Variants in MUC6 observed in about 807,000 individuals in gnomAD.
MUC6 encodes the protein mucin-6.
MUC6 carries 188 observed loss-of-function variants against 201.5 expected under a neutral mutation model. The observed-to-expected ratio is 0.93, with a 90% confidence interval of 0.83 to 1.05. The LOEUF (loss-of-function observed/expected upper bound fraction) is 1.05. MUC6 is among the 50% of genes least tolerant of loss of function. MUC6 has a pLI of 0.00. For synonymous variants in MUC6, 1,228 were observed against 1,389.4 expected (o/e 0.88, Z 2.58); for missense variants, 2,706 against 3,256.9 (o/e 0.83, Z 4.12).
chr11:1,024,759 C>T (rs974959242), intron 24 of MUC6, 85 bp downstream of exon 24: 12 of 1,508,268 alleles, frequency 8.0e-6, no homozygotes, highest in South Asian at 1.3e-5. Context: ...GAGGGAGAAC[C>T]GTGCCTGGCT....
chr11:1,031,561 C>T (rs903022329), intron 4 of MUC6, 46 bp downstream of exon 4: 7 of 1,536,162 alleles, frequency 4.6e-6, no homozygotes, highest in Non-Finnish European at 4.4e-6. Context: ...CACCTGCCCC[C>T]CCGTGCTGCG....
intron 19 of MUC6, 38 bp from the exon 20 acceptor site, chr11:1,026,516 C>G (rs1423724488): frequency 2.6e-6 from 4 of 1,527,236 alleles, no homozygotes; most frequent in Non-Finnish European, 3.5e-6. Context: ...GGGAGGGTGG[C>G]CTCAGCCAGC....
rs767186903 is a variant in MUC6, at chr11:1,021,244, T to A, written c.3560A>T (p.Asp1187Val). The A allele has an allele frequency of 6.3e-7, 1 of 1,590,012 alleles. No individual in the cohort carries two copies. Among genetic ancestry groups the A allele is most frequent in the Admixed American group, 1.8e-5 (1 of 56,600 alleles). The change falls in exon 27 of 33, where the codon GAC (aspartate) becomes GTC (valine). Residue 1187 changes from aspartate (D) to valine (V), a missense_variant. Physicochemically the swap from Asp to Val is radical, Grantham distance 152. This residue lies in a region of MUC6 where 1,850 missense variants were observed against 1,958.3 expected (regional missense o/e 0.94). Transcript: ENST00000421673. ...GGGCACGCACACCCCCTCCTCGTGG[T>A]CGAAGTACTCATCCTGGGAGCAGTT... The part of the protein sequence containing the change: ...CYNCSQDEYF[D>V]HEEGVCVPCM...
intron 26 of MUC6, 120 bp downstream of exon 26, chr11:1,023,389 T>G: frequency 8.0e-7 from 1 of 1,245,608 alleles, no homozygotes; most frequent in African/African-American, 1.7e-5. Context: ...TTAATGAATG[T>G]GTGAATTAAT....
Position 1,034,173 on chromosome 11 carries a change from T to G in MUC6, c.53-1098A>C, listed in dbSNP as rs114484477. ...CCTGCCCCTTGGCCGCCTGGGTGAG[T>G]CCTGTCTGGCACAGGCAGGAGGTTG... On this transcript the variant is annotated intron_variant, in intron 1 of 32. Transcript: ENST00000421673. 3.6e-3 allele frequency among the ~76,000 whole-genome samples: 546 copies of G among 150,132 alleles called. 9 individuals are homozygous for G. The highest frequency in any genetic ancestry group is 0.013 in the African/African-American group (515 of 40,882).
intron 1 of MUC6, 31 bp downstream of exon 1, chr11:1,036,573 G>T: frequency 2.6e-6 from 4 of 1,548,156 alleles, no homozygotes; most frequent in Non-Finnish European, 3.5e-6. Context: ...TGAGGGCACC[G>T]CAGTGTCTGG....
In MUC6 at chr11:1,025,832, G is replaced by A; in HGVS notation, c.2772C>T (p.Cys924=). The A allele has an allele frequency of 6.2e-7, 1 of 1,612,802 alleles. No homozygotes were observed. The highest frequency in any genetic ancestry group is 1.1e-5 in the South Asian group (1 of 90,998). Residue 924 remains cysteine, a synonymous_variant, in exon 22 of 33, where the codon TGC becomes TGT. Transcript: ENST00000421673. ...CCAGGAAGATCTTGATGGCCCGTGA[G>A]CATGTGACCCCGGAGTTCCCACAGA... The part of the protein sequence containing the change: ...NVICGNSGVT[C]SRAIKIFLGG...
chr11:1,016,391 GC>G lies in MUC6; in HGVS notation c.6409del (p.Ala2137ProfsTer39), dbSNP rs773692407. ...CACATAAGAAGAAACAGTAGAGGGGGCAGAAGGACTGGGAGAAAATGAGGAG... is the reference window on the plus strand; with the variant it reads ...CACATAAGAAGAAACAGTAGAGGGGGAGAAGGACTGGGAGAAAATGAGGAG... ...LSSSFSPSPS[A>X]PSTVSSYVPS... On this transcript the variant is annotated frameshift_variant, in exon 31 of 33. Coordinates refer to ENST00000421673, the MANE Select transcript of MUC6 (RefSeq NM_005961.3). LOFTEE classifies it high-confidence loss of function. 2 of 1,613,234 alleles carry G rather than the reference GC, an allele frequency of 1.2e-6. No homozygotes were observed. Among genetic ancestry groups the G allele is most frequent in the Non-Finnish European group, 1.7e-6 (2 of 1,179,566 alleles).
At chr11:1,023,818 G>A (rs1291540604) in intron 25 of MUC6, 129 bp downstream of exon 25, 2 of 1,437,664 alleles carry the variant, frequency 1.4e-6, no homozygotes, top group East Asian at 5.0e-5. Flanking sequence ...GGGCCAGGGT[G>A]GCCCCGCAGG....
chr11:1,027,161 T>C lies in MUC6; in HGVS notation c.2264A>G (p.Gln755Arg). Residue 755 changes from glutamine to arginine, a missense_variant, in exon 18 of 33, where the codon CAG becomes CGG. Gln to Arg is a conservative substitution (Grantham distance 43). This residue lies in a region of MUC6 where 1,850 missense variants were observed against 1,958.3 expected (regional missense o/e 0.94). Coordinates refer to ENST00000421673, the MANE Select transcript of MUC6 (RefSeq NM_005961.3). The part of the protein sequence containing the change: ...HCINGRLSCP[Q>R]RPQMFLASCQ... ...CGTACCCAGGAACATCTGTGGCCGC[T>C]GCGGGCAACTCAGCCGCCCGTTGAT... The C allele has an allele frequency of 1.2e-6, 2 of 1,612,496 alleles. No individual in the cohort carries two copies. Among genetic ancestry groups the C allele is most frequent in the Non-Finnish European group, 8.5e-7 (1 of 1,179,792 alleles).
chr11:1,014,176 G>A (rs528361418), intron 31 of MUC6, among the ~76,000 whole-genome samples, 175 bp from the exon 32 acceptor site: 2 of 152,332 alleles, frequency 1.3e-5, no homozygotes, highest in African/African-American at 2.4e-5. Context: ...AAAGGCAAAG[G>A]CCAGCCGCAT....
rs1420762227 is a variant in MUC6, at chr11:1,013,208, G to C, written c.*248C>G. 1 of 550,196 alleles carries C rather than the reference G, an allele frequency of 1.8e-6. No individual in the cohort carries two copies. The allele number at this position is 550,196 out of a possible 1,614,324, so 34.1% of individuals were successfully genotyped here. ...CGGGAGTGCCCTGTGTGCCTGGGAG[G>C]TCCGTGACCACTGTCCGCCTCAGTC... is the stretch of plus-strand genomic sequence containing the variant. On this transcript the variant is annotated 3_prime_UTR_variant, in exon 33 of 33. Coordinates refer to ENST00000421673, the MANE Select transcript of MUC6 (RefSeq NM_005961.3).
intron 1 of MUC6, among the ~76,000 whole-genome samples, chr11:1,035,511 T>C (rs1297309072): frequency 1.3e-5 from 2 of 150,316 alleles, no homozygotes; most frequent in African/African-American, 4.9e-5. Context: ...GGGAGCGGGC[T>C]CAGAGACCCC....
intron 30 of MUC6, 44 bp downstream of exon 30, chr11:1,019,231 G>A (rs1268598439): frequency 4.4e-6 from 7 of 1,580,142 alleles, no homozygotes; most frequent in Admixed American, 1.7e-5. Flanking sequence ...TGGTGGGACC[G>A]GGTGCCTTCG....
intron 24 of MUC6, 123 bp downstream of exon 24, chr11:1,024,721 C>A: frequency 2.1e-6 from 3 of 1,439,294 alleles, no homozygotes; most frequent in South Asian, 1.4e-5. Flanking sequence ...CTCTCTGCAC[C>A]CTGACCTGGC....
At position 1,029,425 on chromosome 11, in the gene MUC6, C is replaced by T. The variant is rs553982543; in HGVS notation, c.1137-59G>A. 5 of 1,597,812 alleles carry T rather than the reference C, an allele frequency of 3.1e-6. No homozygotes were observed. In the African/African-American group the frequency reaches 4.0e-5, roughly 13 times the overall value. On this transcript the variant is annotated intron_variant, in intron 9 of 32. Transcript: ENST00000421673. ...GCAGGGCCGCTGGAGCCAGACAGCA[C>T]ACCCCTGCCTGCCCTAGGCCAGTGG...
intron 15 of MUC6, 31 bp from the exon 16 acceptor site, chr11:1,027,848 G>T (rs1017336706): frequency 1.2e-6 from 2 of 1,604,044 alleles, no homozygotes; most frequent in African/African-American, 1.3e-5. Flanking sequence ...TGGGCTGGTG[G>T]CAGGCACCCT....
At chr11:1,030,807 G>A (rs1270991625) in intron 6 of MUC6, 27 bp from the exon 7 acceptor site, 7 of 1,532,928 alleles carry the variant, frequency 4.6e-6, no homozygotes, top group East Asian at 2.4e-5. Context: ...GGGTCATGGG[G>A]GCAAAGGCCA....
Position 1,028,328 on chromosome 11 carries a change from C to T in MUC6, c.1651G>A (p.Ala551Thr), listed in dbSNP as rs769586518. Residue 551 changes from alanine (A) to threonine (T), a missense_variant, in exon 14 of 33, where the codon GCC becomes ACC. Ala to Thr is a moderately conservative substitution (Grantham distance 58). This residue lies in a region of MUC6 where 1,850 missense variants were observed against 1,958.3 expected (regional missense o/e 0.94). Transcript: ENST00000421673. ...ACAAACAGCGAGGCGGTGCCCTCGG[C>T]GATACCCATGCTAGTGGTGAAGTCA... ...TDDFTTSMGIAEGTASLFVDS... is the reference protein window; with the variant it reads ...TDDFTTSMGITEGTASLFVDS... The T allele has an allele frequency of 6.2e-6, 10 of 1,612,382 alleles. No individual in the cohort carries two copies. The highest frequency in any genetic ancestry group is 1.6e-4 in the Middle Eastern group (1 of 6,080).
Sources: allele counts gnomAD v4.1 joint callset (sites outside exome capture counted in the v4.1 genomes callset), GRCh38; gene constraint gnomAD v4.1.1; regional missense constraint gnomAD v4.1.1; transcripts MANE v1.5; gene names NCBI Gene and HGNC (gene_info 2026-07-23, HGNC 2026-07-21).